COMMD10: variants seen among roughly 807,000 people sequenced by gnomAD.
The protein encoded by COMMD10 is COMM domain containing 10.
Under a neutral mutation model 28.9 loss-of-function variants are expected in COMMD10, and 33 were observed. The observed-to-expected ratio is 1.14, with a 90% CI of 0.87 to 1.53. The LOEUF is 1.53. Among genes scored for constraint, COMMD10 ranks in the 40% most tolerant of loss-of-function variants. COMMD10 has a pLI of 0.00. For missense variants in COMMD10, 310 were observed against 233.4 expected (o/e 1.33, Z -2.14); for synonymous variants, 110 against 81.7 (o/e 1.35, Z -1.87).
chr5:116,224,357 A>G (rs1749338915), intron 5 of COMMD10, among the ~76,000 whole-genome samples: 2 of 152,100 alleles, frequency 1.3e-5, no homozygotes, highest in Admixed American at 6.5e-5. Flanking sequence ...TAGTATATTA[A>G]TCCATTTTTG....
intron 5 of COMMD10, among the ~76,000 whole-genome samples, chr5:116,263,723 A>G (rs1750511003): frequency 6.6e-6 from 1 of 151,742 alleles, no homozygotes; most frequent in Non-Finnish European, 1.5e-5. Context: ...ACTAGAAAAT[A>G]TTTAAATTTA....
chr5:116,213,780 T>C (rs1187931109), intron 5 of COMMD10, among the ~76,000 whole-genome samples: 1 of 152,096 alleles, frequency 6.6e-6, no homozygotes, highest in Non-Finnish European at 1.5e-5. Context: ...TTATTTCTTC[T>C]TTATGTGATT....
At chr5:116,184,175 T>C (rs1427279975) in intron 5 of COMMD10, among the ~76,000 whole-genome samples, 1 of 151,522 alleles carries the variant, frequency 6.6e-6, no homozygotes, top group East Asian at 1.9e-4. Flanking sequence ...TAATAACACG[T>C]AGAAAAAGGA....
intron 1 of COMMD10, 111 bp downstream of exon 1, chr5:116,085,204 G>T: frequency 2.6e-6 from 2 of 762,188 alleles, no homozygotes; most frequent in Admixed American, 2.4e-5. Context: ...GGGCCCGGTT[G>T]AGTGGGGTGG....
chr5:116,272,481 T>C (rs577445050), intron 5 of COMMD10, among the ~76,000 whole-genome samples: 2 of 151,976 alleles, frequency 1.3e-5, no homozygotes, highest in Admixed American at 1.3e-4. Flanking sequence ...GCAGATGTTA[T>C]CATTCTTTGG....
chr5:116,092,633 A>G lies in COMMD10; in HGVS notation c.332A>G (p.Asn111Ser), dbSNP rs1750335644. The part of the protein sequence containing the change: ...LRQDKAEAFV[N>S]TWSSMGQETV... ...CAAGACAAAGCTGAAGCATTTGTCA[A>G]TACGTGGTCTTCTATGGGTCAAGAA... Residue 111 changes from asparagine to serine, a missense_variant, in exon 4 of 7, where the codon AAT becomes AGT. Coordinates refer to ENST00000274458, the MANE Select transcript of COMMD10 (RefSeq NM_016144.4). 1.9e-6 allele frequency: 3 copies of G among 1,612,370 alleles called. No homozygotes were observed. Among genetic ancestry groups the G allele is most frequent in the Non-Finnish European group, 2.5e-6 (3 of 1,178,974 alleles).
intron 5 of COMMD10, among the ~76,000 whole-genome samples, chr5:116,193,099 A>G (rs963591715): frequency 5.9e-5 from 9 of 152,192 alleles, no homozygotes; most frequent in Non-Finnish European, 1.0e-4. Context: ...CTTTTTCGGA[A>G]AAACAAATGC....
chr5:116,237,476 A>G (rs1749698461), intron 5 of COMMD10, among the ~76,000 whole-genome samples: 1 of 152,172 alleles, frequency 6.6e-6, no homozygotes, highest in African/African-American at 2.4e-5. Context: ...GAAAAAAAAT[A>G]CTACATCAAG....
intron 5 of COMMD10, among the ~76,000 whole-genome samples, chr5:116,136,658 A>G (rs1174031630): frequency 6.6e-6 from 1 of 152,212 alleles, no homozygotes; most frequent in African/African-American, 2.4e-5. Flanking sequence ...CATTCAGATT[A>G]TTCAGGAAGA....
At chr5:116,137,895 T>TAA (rs1483993848) in intron 5 of COMMD10, among the ~76,000 whole-genome samples, 1 of 151,998 alleles carries the variant, frequency 6.6e-6, no homozygotes, top group Non-Finnish European at 1.5e-5. Flanking sequence ...AGTGTTTGTC[T>TAA]ACTGTGTTTA....
At chr5:116,148,640 C>G (rs773114151) in intron 5 of COMMD10, among the ~76,000 whole-genome samples, 9 of 148,608 alleles carry the variant, frequency 6.1e-5, no homozygotes, top group Non-Finnish European at 1.3e-4. Flanking sequence ...TCAATGGATT[C>G]TTTTTTTTTT....
intron 5 of COMMD10, among the ~76,000 whole-genome samples, chr5:116,236,135 G>A (rs1464073456): frequency 6.6e-6 from 1 of 152,106 alleles, no homozygotes; most frequent in African/African-American, 2.4e-5. Flanking sequence ...CTTGGGTATG[G>A]AAGCATCCAA....
chr5:116,229,179 A>G (rs1749469000), intron 5 of COMMD10, among the ~76,000 whole-genome samples: 1 of 152,100 alleles, frequency 6.6e-6, no homozygotes, highest in South Asian at 2.1e-4. Context: ...TACTCATAGA[A>G]TGAAAGATGA....
chr5:116,157,607 G>T (rs902635695), intron 5 of COMMD10, among the ~76,000 whole-genome samples: 3 of 152,176 alleles, frequency 2.0e-5, no homozygotes, highest in Non-Finnish European at 4.4e-5. Context: ...GTTGGCCAAA[G>T]GAATTTGAAA....
intron 5 of COMMD10, among the ~76,000 whole-genome samples, chr5:116,266,031 G>A (rs1414295917): frequency 1.3e-5 from 2 of 151,696 alleles, no homozygotes; most frequent in East Asian, 1.9e-4. Context: ...AGAAAGAGAT[G>A]TATTTCTTTT....
At chr5:116,107,660 A>G (rs1332485729) in intron 4 of COMMD10, among the ~76,000 whole-genome samples, 1 of 152,082 alleles carries the variant, frequency 6.6e-6, no homozygotes, top group Non-Finnish European at 1.5e-5. Context: ...GTTATTACCC[A>G]GCTTCTGAAG....
intron 5 of COMMD10, among the ~76,000 whole-genome samples, chr5:116,167,118 A>C (rs1021791986): frequency 8.6e-5 from 13 of 150,878 alleles, no homozygotes; most frequent in Non-Finnish European, 1.8e-4. Context: ...GGTTGCAGGA[A>C]TTGCTAATTA....
At chr5:116,139,248 T>C (rs916798574) in intron 5 of COMMD10, among the ~76,000 whole-genome samples, 1 of 151,796 alleles carries the variant, frequency 6.6e-6, no homozygotes, top group African/African-American at 2.4e-5. Flanking sequence ...TTGAAACAAT[T>C]TTACATTTTT....
At chr5:116,250,370 G>A (rs1411029130) in intron 5 of COMMD10, among the ~76,000 whole-genome samples, 4 of 151,302 alleles carry the variant, frequency 2.6e-5, no homozygotes, top group Non-Finnish European at 5.9e-5. Flanking sequence ...AAATGCTGTG[G>A]CGTTTTTATT....
Sources: allele counts gnomAD v4.1 joint callset (sites outside exome capture counted in the v4.1 genomes callset), GRCh38; gene constraint gnomAD v4.1.1; transcripts MANE v1.5; gene names NCBI Gene and HGNC (gene_info 2026-07-23, HGNC 2026-07-21).